Variants in DACH2 observed in about 807,000 individuals in gnomAD.
DACH2 encodes the protein dachshund family transcription factor 2.
Under a neutral mutation model 35.8 loss-of-function variants are expected in DACH2, and 17 were observed. The observed-to-expected ratio is 0.48, with a 90% CI of 0.33 to 0.71. The LOEUF (loss-of-function observed/expected upper bound fraction) is 0.71, where lower values mean the gene tolerates loss of function less well. Among genes scored for constraint, DACH2 ranks in the 30% least tolerant of loss-of-function variants. The pLI is 0.02. For missense variants in DACH2, 469 were observed against 472.7 expected, an observed-to-expected ratio of 0.99 and a Z score of 0.07; for synonymous variants, 195 against 177.3, an observed-to-expected ratio of 1.10 and a Z score of -0.79.
At chrX:86,620,516 C>G (rs1476655524) in intron 3 of DACH2, among the ~76,000 whole-genome samples, 1 of 111,621 alleles carries the variant, frequency 9.0e-6, no homozygotes, top group African/African-American at 3.3e-5. Flanking sequence ...CAGTATTCCC[C>G]TAACATATTG....
chrX:86,587,217 G>A (rs898439548), intron 3 of DACH2, among the ~76,000 whole-genome samples: 1 of 111,190 alleles, frequency 9.0e-6, no homozygotes, highest in Non-Finnish European at 1.9e-5. Flanking sequence ...CTGTTTGGAT[G>A]TTATTGGTGT....
At chrX:86,154,748 G>A (rs778929543) in intron 1 of DACH2, among the ~76,000 whole-genome samples, 1 of 111,424 alleles carries the variant, frequency 9.0e-6, no homozygotes, top group Admixed American at 9.6e-5. Flanking sequence ...TTCTCTGCTC[G>A]GTTTGATGTC....
At chrX:86,581,318 C>T (rs141433776) in intron 3 of DACH2, among the ~76,000 whole-genome samples, 1 of 111,446 alleles carries the variant, frequency 9.0e-6, no homozygotes, top group Non-Finnish European at 1.9e-5. Flanking sequence ...ATCACACAAA[C>T]AAGTCTGCAT....
chrX:86,500,728 T>C (rs1227822582), intron 2 of DACH2, among the ~76,000 whole-genome samples: 1 of 111,777 alleles, frequency 8.9e-6, no homozygotes, highest in Non-Finnish European at 1.9e-5. Flanking sequence ...GAAGCGACTC[T>C]AAGATTAGAC....
chrX:86,651,483 T>A (rs944999318), intron 4 of DACH2, among the ~76,000 whole-genome samples: 3 of 111,700 alleles, frequency 2.7e-5, no homozygotes, highest in Non-Finnish European at 5.6e-5. Flanking sequence ...CTCAGGTTTC[T>A]TATTCCATCC....
At chrX:86,270,217 A>T (rs889208507) in intron 1 of DACH2, among the ~76,000 whole-genome samples, 2 of 109,054 alleles carry the variant, frequency 1.8e-5, no homozygotes, top group East Asian at 5.8e-4. Flanking sequence ...AGCTTTGAAG[A>T]TGGATATCAG....
In DACH2 at chrX:86,667,430, AAAAG is replaced by A. The variant is rs1331875239; in HGVS notation, c.772+16274_772+16277del. 8.3e-5 allele frequency among the ~76,000 whole-genome samples: 7 copies of A among 83,893 alleles called. No individual in the cohort carries two copies. The East Asian group carries it at 9.2e-4, about 11-fold the overall frequency. 72.9% of individuals were successfully genotyped at this position (83,893 alleles called of 115,157 possible). A position where few individuals can be genotyped will look rare whatever the true frequency, so the allele number is the denominator to read the frequency against. On this transcript the variant is annotated intron_variant, in intron 4 of 11. Transcript: ENST00000373125. ...GAAGAGAAAAAAAGAAAGAAGAAAG[AAAAG>A]AAAGAAAGAAGAAAGAGAAAGAAAG... is the stretch of plus-strand genomic sequence containing the variant.
At chrX:86,788,029 G>T (rs1042086567) in intron 7 of DACH2, among the ~76,000 whole-genome samples, 1 of 111,307 alleles carries the variant, frequency 9.0e-6, no homozygotes, top group Admixed American at 9.7e-5. Context: ...TGCTTCCAGG[G>T]TCTGTGTCTT....
intron 2 of DACH2, among the ~76,000 whole-genome samples, chrX:86,449,678 G>T (rs73631945): frequency 0.011 from 1,254 of 110,359 alleles, 18 homozygotes; most frequent in African/African-American, 0.039. Flanking sequence ...TTGCTTCATT[G>T]TTACCATGAG....
chrX:86,177,374 A>G (rs749974196), intron 1 of DACH2, among the ~76,000 whole-genome samples: 49 of 112,029 alleles, frequency 4.4e-4, no homozygotes, highest in Middle Eastern at 4.6e-3. Context: ...TTAACCTCAC[A>G]TGGAAGCTAC....
In DACH2 at chrX:86,443,630, AT is replaced by A. The variant is rs773425312; in HGVS notation, c.527+66769del. On this transcript the variant is annotated intron_variant, in intron 2 of 11. Coordinates refer to ENST00000373125, the MANE Select transcript of DACH2 (RefSeq NM_053281.3). The stretch of plus-strand genomic sequence containing the variant: ...AGCCTTCAACTTTTTGCCATTGAGT[AT>A]GATGTAAACTACAGATTAGTCATAT... Among the ~76,000 whole-genome samples, 4 of 110,826 alleles carry A rather than the reference AT, an allele frequency of 3.6e-5. No individual in the cohort carries two copies. The South Asian group carries it at 1.5e-3, about 42-fold the overall frequency.
intron 2 of DACH2, among the ~76,000 whole-genome samples, chrX:86,455,805 C>A (rs778466325): frequency 1.8e-5 from 2 of 112,315 alleles, no homozygotes; most frequent in African/African-American, 3.2e-5. Flanking sequence ...GCCCACAGAA[C>A]AATGCTGCTT....
At chrX:86,415,364 T>C (rs1484740452) in intron 2 of DACH2, among the ~76,000 whole-genome samples, 1 of 111,846 alleles carries the variant, frequency 8.9e-6, no homozygotes, top group Non-Finnish European at 1.9e-5. Context: ...TATAGCTCTA[T>C]TGAAAGCAAG....
At chrX:86,790,273 G>A (rs766753641) in intron 7 of DACH2, among the ~76,000 whole-genome samples, 27 of 111,749 alleles carry the variant, frequency 2.4e-4, no homozygotes, top group African/African-American at 5.2e-4. Context: ...CAATATAGTC[G>A]TATGCATAGA....
intron 4 of DACH2, among the ~76,000 whole-genome samples, chrX:86,668,569 G>A (rs920136640): frequency 5.4e-5 from 6 of 111,803 alleles, no homozygotes; most frequent in Non-Finnish European, 1.1e-4. Context: ...GTAATTAGAT[G>A]TGGGAATTGG....
chrX:86,496,788 A>G (rs1487955319), intron 2 of DACH2, among the ~76,000 whole-genome samples: 3 of 110,424 alleles, frequency 2.7e-5, no homozygotes, highest in Non-Finnish European at 5.7e-5. Context: ...TGAAAGAGCT[A>G]GGAAAGGAGA....
chrX:86,784,601 C>T (rs1219439369), intron 7 of DACH2, among the ~76,000 whole-genome samples: 1 of 111,927 alleles, frequency 8.9e-6, no homozygotes, highest in African/African-American at 3.2e-5. Flanking sequence ...ACAGAATTAC[C>T]ATTCAACCCA....
At chrX:86,593,280 A>C (rs2039670085) in intron 3 of DACH2, among the ~76,000 whole-genome samples, 1 of 109,831 alleles carries the variant, frequency 9.1e-6, no homozygotes, top group South Asian at 3.7e-4. Flanking sequence ...TTATCATATT[A>C]TTTTTATTCT....
chrX:86,221,527 A>C (rs1362755658), intron 1 of DACH2, among the ~76,000 whole-genome samples: 1 of 111,632 alleles, frequency 9.0e-6, no homozygotes, highest in East Asian at 2.8e-4. Flanking sequence ...TTTTGTCAAG[A>C]CTGCTTTGGC....
Sources: allele counts gnomAD v4.1 joint callset (sites outside exome capture counted in the v4.1 genomes callset), GRCh38; gene constraint gnomAD v4.1.1; transcripts MANE v1.5; gene names NCBI Gene and HGNC (gene_info 2026-07-23, HGNC 2026-07-21).